The following RARB variants were observed in gnomAD, a reference collection of about 807,000 sequenced individuals.
The protein encoded by RARB is retinoic acid receptor beta.
Under a neutral mutation model 51.9 loss-of-function variants are expected in RARB, and 17 were observed. The observed-to-expected ratio is 0.33, with a 90% CI of 0.22 to 0.49. The LOEUF (loss-of-function observed/expected upper bound fraction) is 0.49. Among genes scored for constraint, RARB ranks in the 20% least tolerant of loss-of-function variants. The probability of loss-of-function intolerance (pLI) is 0.99; values close to 1 mark genes in which losing one functional copy is unlikely to be tolerated. For synonymous variants in RARB, 215 were observed against 195.4 expected (o/e 1.10, Z -0.84); for missense variants, 369 against 550.8 (o/e 0.67, Z 3.30).
At chr3:25,436,904 A>G (rs1358659450) in intron 1 of RARB, among the ~76,000 whole-genome samples, 1 of 152,182 alleles carries the variant, frequency 6.6e-6, no homozygotes, top group Non-Finnish European at 1.5e-5. Flanking sequence ...ATGGTCCAAG[A>G]TAATGCAAGT....
intron 2 of RARB, among the ~76,000 whole-genome samples, chr3:24,967,452 A>G (rs1696300657): frequency 6.6e-6 from 1 of 152,156 alleles, no homozygotes; most frequent in Admixed American, 6.6e-5. Flanking sequence ...CAGATGGTCA[A>G]CTTCTAAGAG....
rs184308701 is a variant in RARB at position 25,551,018 on chromosome 3, C to G, written c.449-18740C>G. ...CTTGCGAATTTGGAGAGGACACAAA[C>G]ATTTAGTCTATAGAACTGACTGTTT... On this transcript the variant is annotated intron_variant, in intron 3 of 7. Coordinates refer to ENST00000330688, the MANE Select transcript of RARB (RefSeq NM_000965.5). 2.1e-3 allele frequency among the ~76,000 whole-genome samples: 313 copies of G among 152,228 alleles called. 2 individuals carry two copies. Among genetic ancestry groups the G allele is most frequent in the Non-Finnish European group, 3.8e-3 (261 of 68,026 alleles).
At chr3:25,333,597 C>T (rs1275191439) in intron 5 of RARB, among the ~76,000 whole-genome samples, 1 of 152,118 alleles carries the variant, frequency 6.6e-6, no homozygotes, top group Non-Finnish European at 1.5e-5. Flanking sequence ...TAGGCAATAC[C>T]ATTCAGGACA....
intron 2 of RARB, among the ~76,000 whole-genome samples, chr3:24,930,850 T>G (rs945766282): frequency 6.6e-6 from 1 of 151,944 alleles, no homozygotes; most frequent in Non-Finnish European, 1.5e-5. Flanking sequence ...CTCCCCACAT[T>G]TTTCTTTTAA....
At chr3:24,937,158 A>G (rs1695563383) in intron 2 of RARB, among the ~76,000 whole-genome samples, 1 of 152,230 alleles carries the variant, frequency 6.6e-6, no homozygotes. Context: ...GGTAAAGCAG[A>G]GTTATTACAT....
Position 25,353,358 on chromosome 3 carries a change from G to A in RARB, c.179-107835G>A, listed in dbSNP as rs766307. 9.2e-5 allele frequency among the ~76,000 whole-genome samples: 14 copies of A among 152,096 alleles called. 1 individual carries two copies. The highest frequency in any genetic ancestry group is 2.1e-4 in the Non-Finnish European group (14 of 68,010). On this transcript the variant is annotated intron_variant, in intron 5 of 11. Transcript: ENST00000383772. ...CGTAGTAGGGTGTCAGTGGAAACTT[G>A]CTTAAATTAATTCATAATCATGAAT...
At chr3:25,259,322 A>G (rs183605474) in intron 5 of RARB, among the ~76,000 whole-genome samples, 117 of 152,230 alleles carry the variant, frequency 7.7e-4, no homozygotes, top group Middle Eastern at 6.8e-3. Flanking sequence ...CATGTGTCTG[A>G]GTTCTATCTG....
At chr3:25,364,240 C>T (rs575560871) in intron 5 of RARB, among the ~76,000 whole-genome samples, 6 of 152,268 alleles carry the variant, frequency 3.9e-5, no homozygotes, top group South Asian at 4.1e-4. Flanking sequence ...GTGCCTGGAA[C>T]AGTATCTGGC....
Position 25,405,608 on chromosome 3 carries a change from T to A in RARB, c.179-55585T>A, listed in dbSNP as rs73141619. Among the ~76,000 whole-genome samples the A allele has an allele frequency of 5.6e-3, 853 of 152,334 alleles. 8 individuals are homozygous for A. The highest frequency in any genetic ancestry group is 0.019 in the African/African-American group (807 of 41,570). On this transcript the variant is annotated intron_variant, in intron 5 of 11. Coordinates refer to the RARB transcript ENST00000383772. ...CACAGTAAACACTCTAGATCTGTGT[T>A]GTAAAATATGTTCACCACTAACCAC... is the stretch of plus-strand genomic sequence containing the variant.
intron 3 of RARB, among the ~76,000 whole-genome samples, chr3:25,102,206 G>C (rs1402673122): frequency 6.6e-6 from 1 of 152,162 alleles, no homozygotes; most frequent in Non-Finnish European, 1.5e-5. Context: ...TAAGATGGCA[G>C]ATATCCCCAC....
chr3:25,439,195 AGC>A (rs1479636887), intron 1 of RARB, among the ~76,000 whole-genome samples: 1 of 152,244 alleles, frequency 6.6e-6, no homozygotes, highest in East Asian at 1.9e-4. Flanking sequence ...CACTACCAAA[AGC>A]AAAAAAGTAA....
chr3:24,886,171 A>T (rs1703262339), intron 2 of RARB, among the ~76,000 whole-genome samples: 1 of 152,140 alleles, frequency 6.6e-6, no homozygotes, highest in Non-Finnish European at 1.5e-5. Context: ...CCTCTTAGGC[A>T]TTTCTTTTCT....
intron 5 of RARB, among the ~76,000 whole-genome samples, chr3:25,366,800 C>CTT (rs1706133588): frequency 1.3e-5 from 2 of 152,182 alleles, no homozygotes; most frequent in South Asian, 4.1e-4. Flanking sequence ...CCAGTGAGAG[C>CTT]ATTTCCTAAA....
At chr3:25,378,444 C>A (rs1156549267) in intron 5 of RARB, among the ~76,000 whole-genome samples, 10 of 152,274 alleles carry the variant, frequency 6.6e-5, no homozygotes, top group Admixed American at 6.5e-4. Flanking sequence ...TCATCCTATA[C>A]CCCTACAATG....
chr3:25,203,255 C>T (rs933088874), intron 5 of RARB, among the ~76,000 whole-genome samples: 14 of 152,030 alleles, frequency 9.2e-5, no homozygotes, highest in African/African-American at 3.4e-4. Flanking sequence ...GATTGCAACC[C>T]CTGCCTTTTT....
At chr3:25,297,382 C>A (rs1703938440) in intron 5 of RARB, among the ~76,000 whole-genome samples, 1 of 140,244 alleles carries the variant, frequency 7.1e-6, no homozygotes, top group African/African-American at 2.6e-5. Flanking sequence ...GCTTGAAAAA[C>A]TGAGTACTCA....
chr3:25,061,663 T>C (rs1052705532), intron 3 of RARB, among the ~76,000 whole-genome samples: 2 of 151,768 alleles, frequency 1.3e-5, no homozygotes, highest in East Asian at 3.9e-4. Context: ...GCTGGAATAA[T>C]GCTAATTTAT....
intron 1 of RARB, among the ~76,000 whole-genome samples, chr3:25,429,526 G>C (rs1198614142): frequency 6.6e-6 from 1 of 152,184 alleles, no homozygotes; most frequent in African/African-American, 2.4e-5. Context: ...GTTGGTCTAA[G>C]AAGTTGCTGT....
chr3:25,133,167 A>C (rs1699979247), intron 4 of RARB, among the ~76,000 whole-genome samples: 1 of 151,996 alleles, frequency 6.6e-6, no homozygotes, highest in Admixed American at 6.6e-5. Flanking sequence ...GGGGAAGTAT[A>C]CGTGAAATAA....
Sources: allele counts gnomAD v4.1 joint callset (sites outside exome capture counted in the v4.1 genomes callset), GRCh38; gene constraint gnomAD v4.1.1; transcripts MANE v1.5; gene names NCBI Gene and HGNC (gene_info 2026-07-23, HGNC 2026-07-21).